The following TYW1 variants were observed in gnomAD, a reference collection of about 807,000 sequenced individuals.
The protein encoded by TYW1 is S-adenosyl-L-methionine-dependent tRNA 4-demethylwyosine synthase TYW1.
A neutral mutation model predicts 96.2 loss-of-function variants in TYW1; 46 were observed. The ratio of observed to expected loss-of-function variants is 0.48; its 90% CI spans 0.38 to 0.61. The LOEUF (loss-of-function observed/expected upper bound fraction) is 0.61, where lower values mean the gene tolerates loss of function less well. TYW1 is among the 20% of genes least tolerant of loss of function. The pLI is 0.00. For synonymous variants in TYW1, 274 were observed against 323.0 expected, an observed-to-expected ratio of 0.85 and a Z score of 1.63; for missense variants, 684 against 909.6, an observed-to-expected ratio of 0.75 and a Z score of 3.19.
At chr7:67,047,644 T>TCC (rs1795227161) in intron 7 of TYW1, among the ~76,000 whole-genome samples, 1 of 151,446 alleles carries the variant, frequency 6.6e-6, no homozygotes, top group Non-Finnish European at 1.5e-5. Context: ...AATGCGACTT[T>TCC]TTTTTTTTTT....
intron 13 of TYW1, among the ~76,000 whole-genome samples, chr7:67,154,854 A>T (rs947419037): frequency 6.6e-6 from 1 of 152,104 alleles, no homozygotes; most frequent in Admixed American, 6.5e-5. Flanking sequence ...TGCATGTCAC[A>T]TAGGCTTTCT....
At chr7:67,123,366 A>C (rs1797818209) in intron 13 of TYW1, among the ~76,000 whole-genome samples, 1 of 152,224 alleles carries the variant, frequency 6.6e-6, no homozygotes, top group Non-Finnish European at 1.5e-5. Flanking sequence ...TTCTGAAATC[A>C]GACAAGACTG....
intron 7 of TYW1, among the ~76,000 whole-genome samples, chr7:67,041,330 G>C (rs1201161923): frequency 1.3e-5 from 2 of 151,562 alleles, no homozygotes; most frequent in Non-Finnish European, 2.9e-5. Flanking sequence ...TTTTGAGACA[G>C]TCTTGCTGTG....
At chr7:67,220,361 G>A (rs1256176058) in intron 15 of TYW1, among the ~76,000 whole-genome samples, 1 of 151,820 alleles carries the variant, frequency 6.6e-6, no homozygotes, top group Non-Finnish European at 1.5e-5. Flanking sequence ...CTGCCACCAT[G>A]CCTGGCTAAT....
intron 10 of TYW1, among the ~76,000 whole-genome samples, chr7:67,075,377 A>G (rs570890904): frequency 6.6e-6 from 1 of 152,344 alleles, no homozygotes; most frequent in East Asian, 1.9e-4. Flanking sequence ...TGTCTTGAAG[A>G]AATAACCCAA....
intron 10 of TYW1, among the ~76,000 whole-genome samples, chr7:67,075,289 A>T (rs994459571): frequency 2.0e-5 from 3 of 152,172 alleles, no homozygotes; most frequent in Admixed American, 6.6e-5. Context: ...TGAAATTTTG[A>T]ATCAAGGGTT....
intron 13 of TYW1, among the ~76,000 whole-genome samples, chr7:67,180,423 TAA>T (rs1799803437): frequency 2.1e-3 from 160 of 76,594 alleles, no homozygotes; most frequent in African/African-American, 0.01. Context: ...TATATATATA[TAA>T]TTTTTTTTTT....
At chr7:67,005,321 C>G (rs1273309362) in intron 3 of TYW1, among the ~76,000 whole-genome samples, 1 of 152,174 alleles carries the variant, frequency 6.6e-6, no homozygotes, top group African/African-American at 2.4e-5. Flanking sequence ...TTGGGCTAGG[C>G]ACAGTGGCTC....
At chr7:67,029,405 G>GTATA (rs1277791560) in intron 7 of TYW1, among the ~76,000 whole-genome samples, 2,339 of 88,836 alleles carry the variant, frequency 0.026, 33 homozygotes, top group African/African-American at 0.038. Flanking sequence ...GTGTGTGTGT[G>GTATA]TGTGTGTGTG....
intron 13 of TYW1, among the ~76,000 whole-genome samples, chr7:67,148,734 G>GA (rs1447120911): frequency 1.3e-5 from 2 of 152,096 alleles, no homozygotes; most frequent in Admixed American, 1.3e-4. Context: ...CCCGGCTGTT[G>GA]AAAGTGATTT....
intron 5 of TYW1, among the ~76,000 whole-genome samples, chr7:67,015,604 C>T (rs1429482018): frequency 6.6e-6 from 1 of 152,308 alleles, no homozygotes; most frequent in Non-Finnish European, 1.5e-5. Context: ...CTACCCACCT[C>T]AGCCTCCCAA....
At chr7:67,118,023 T>C (rs899648980) in intron 13 of TYW1, among the ~76,000 whole-genome samples, 1 of 152,152 alleles carries the variant, frequency 6.6e-6, no homozygotes, top group African/African-American at 2.4e-5. Context: ...TGCTCAAGTT[T>C]ATATAAAATC....
At chr7:67,097,368 A>G (rs551750338) in intron 11 of TYW1, among the ~76,000 whole-genome samples, 1 of 152,288 alleles carries the variant, frequency 6.6e-6, no homozygotes, top group African/African-American at 2.4e-5. Context: ...CTCTGATGAA[A>G]CAGACTCTTT....
At chr7:67,117,844 G>T (rs567182733) in intron 13 of TYW1, among the ~76,000 whole-genome samples, 1 of 152,224 alleles carries the variant, frequency 6.6e-6, no homozygotes, top group East Asian at 1.9e-4. Flanking sequence ...TAAGTTTGTA[G>T]CACAATGCTT....
At chr7:67,068,301 C>T (rs1355963124) in intron 10 of TYW1, among the ~76,000 whole-genome samples, 3 of 152,278 alleles carry the variant, frequency 2.0e-5, no homozygotes, top group South Asian at 2.1e-4. Context: ...GGATTACAGG[C>T]GTGAGCCACC....
intron 12 of TYW1, among the ~76,000 whole-genome samples, chr7:67,113,383 T>G (rs577002517): frequency 6.6e-6 from 1 of 152,332 alleles, no homozygotes; most frequent in South Asian, 2.1e-4. Context: ...AATTTCTTCC[T>G]GAGGACTTGT....
chr7:67,070,900 G>C (rs1796007891), intron 10 of TYW1, among the ~76,000 whole-genome samples: 1 of 152,176 alleles, frequency 6.6e-6, no homozygotes, highest in Admixed American at 6.5e-5. Context: ...GGGAGGCTGA[G>C]GTGGGCAGCT....
intron 7 of TYW1, among the ~76,000 whole-genome samples, chr7:67,040,872 CTTTGT>C (rs1794996466): frequency 6.6e-6 from 1 of 151,564 alleles, no homozygotes; most frequent in Admixed American, 6.6e-5. Flanking sequence ...AATTTAAAAA[CTTTGT>C]TTATAGTGGG....
chr7:67,042,226 A>C (rs1406622856), intron 7 of TYW1, among the ~76,000 whole-genome samples: 1 of 149,690 alleles, frequency 6.7e-6, no homozygotes, highest in Non-Finnish European at 1.5e-5. Context: ...AGAATATATT[A>C]ACTATAATAG....
Sources: allele counts gnomAD v4.1 joint callset (sites outside exome capture counted in the v4.1 genomes callset), GRCh38; gene constraint gnomAD v4.1.1; transcripts MANE v1.5; gene names NCBI Gene and HGNC (gene_info 2026-07-23, HGNC 2026-07-21).